The following UBA6 variants were observed in gnomAD, a reference collection of about 807,000 sequenced individuals.
The protein encoded by UBA6 is ubiquitin like modifier activating enzyme 6.
Under a neutral mutation model 148.3 loss-of-function variants are expected in UBA6, and 87 were observed. The ratio of observed to expected loss-of-function variants is 0.59; its 90% CI spans 0.49 to 0.70. The LOEUF (loss-of-function observed/expected upper bound fraction) is 0.70, where lower values mean the gene tolerates loss of function less well. Ranked by LOEUF, UBA6 falls within the 30% of genes least tolerant of loss-of-function variation. UBA6 has a pLI of 0.00. For synonymous variants in UBA6, 376 were observed against 401.0 expected, an observed-to-expected ratio of 0.94 and a Z score of 0.75; for missense variants, 1,186 against 1,241.2, an observed-to-expected ratio of 0.96 and a Z score of 0.67.
At chr4:67,638,716 G>A (rs1729229788) in intron 19 of UBA6, among the ~76,000 whole-genome samples, 1 of 152,178 alleles carries the variant, frequency 6.6e-6, no homozygotes, top group African/African-American at 2.4e-5. Context: ...ACTCTGGCAT[G>A]GTGAACAGGT....
Position 67,618,163 on chromosome 4 carries a change from A to C in UBA6, c.*834T>G, listed in dbSNP as rs542365613. 7.9e-5 allele frequency: 12 copies of C among 152,574 alleles called. No homozygotes were observed. The highest frequency in any genetic ancestry group is 1.9e-4 in the African/African-American group (8 of 41,562). The allele number at this position is 152,574 out of a possible 1,614,324, so 9.5% of individuals were successfully genotyped here. A position where few individuals can be genotyped will look rare whatever the true frequency, so the allele number is the denominator to read the frequency against. Reference sequence around the variant, plus strand: ...TTTCTAAAGACACTCCCTTTACAAAATCTTTTAGTTTTATATATTAGGACA... The same window carrying C: ...TTTCTAAAGACACTCCCTTTACAAACTCTTTTAGTTTTATATATTAGGACA... On this transcript the variant is annotated 3_prime_UTR_variant, in exon 33 of 33. Transcript: ENST00000322244.
In UBA6 at chr4:67,636,990, G is replaced by A. The variant is rs929815241; in HGVS notation, c.1737-1432C>T. Among the ~76,000 whole-genome samples, 13 of 150,702 alleles carry A rather than the reference G, an allele frequency of 8.6e-5. No homozygotes were observed. In the South Asian group the frequency reaches 1.3e-3, roughly 15 times the overall value. ...GCCCATTGTCTGAGATGTGGGGAGC[G>A]CCTCTGCCCCACCGCCCCATCTGGG... On this transcript the variant is annotated intron_variant, in intron 19 of 32. Transcript: ENST00000322244.
intron 11 of UBA6, chr4:67,663,423 C>T (rs6839447): frequency 0.21 from 89,593 of 431,240 alleles, 9,951 homozygotes; most frequent in Non-Finnish European, 0.24. Flanking sequence ...GATCTAATCC[C>T]CTTTCCTTAT....
intron 28 of UBA6, among the ~76,000 whole-genome samples, chr4:67,625,411 G>T (rs142056580): frequency 0.016 from 2,399 of 146,136 alleles, 26 homozygotes; most frequent in Middle Eastern, 0.04. Flanking sequence ...AAAAAAAAAC[G>T]ATGGTTTTAA....
In UBA6 at chr4:67,630,500, T is replaced by C. The variant is rs775953354; in HGVS notation, c.2294A>G (p.Tyr765Cys). Residue 765 changes from tyrosine to cysteine, a missense_variant, in exon 26 of 33, where the codon TAT becomes TGT. Transcript: ENST00000322244. Reference protein sequence around the residue: ...LSFLQNAAKLYATVYCIPFAE... With the variant: ...LSFLQNAAKLCATVYCIPFAE... ...AAATGGAATACAATATACTGTAGCA[T>C]ATAGTTTTGCAGCATTCTGAAGGAA... is the stretch of plus-strand genomic sequence containing the variant. The C allele has an allele frequency of 6.3e-6, 10 of 1,588,866 alleles. No individual in the cohort carries two copies. The South Asian group carries it at 1.2e-4, about 18-fold the overall frequency.
intron 2 of UBA6, among the ~76,000 whole-genome samples, chr4:67,691,782 T>C (rs1351192433): frequency 6.6e-6 from 1 of 150,782 alleles, no homozygotes; most frequent in Non-Finnish European, 1.5e-5. Flanking sequence ...ATGAATCCAG[T>C]GGAAGGACCA....
intron 14 of UBA6, among the ~76,000 whole-genome samples, chr4:67,648,828 A>G (rs1729485112): frequency 6.6e-6 from 1 of 152,212 alleles, no homozygotes; most frequent in South Asian, 2.1e-4. Context: ...TTCCCTTACT[A>G]TCACAACTAA....
intron 25 of UBA6, among the ~76,000 whole-genome samples, chr4:67,631,070 T>C (rs1728985581): frequency 6.6e-6 from 1 of 152,044 alleles, no homozygotes; most frequent in Non-Finnish European, 1.5e-5. Context: ...TAAAAATATA[T>C]ATACATAAGG....
At chr4:67,630,734 T>C (rs1447766605) in intron 25 of UBA6, among the ~76,000 whole-genome samples, 199 bp from the exon 26 acceptor site, 1 of 151,906 alleles carries the variant, frequency 6.6e-6, no homozygotes. Flanking sequence ...AGACAAAACA[T>C]CAAACAGTTA....
intron 2 of UBA6, among the ~76,000 whole-genome samples, chr4:67,692,495 A>G (rs928824809): frequency 7.2e-5 from 11 of 152,202 alleles, no homozygotes; most frequent in African/African-American, 2.4e-4. Flanking sequence ...TTGGAGGGAA[A>G]AGATAAACAC....
chr4:67,701,042 C>T lies in UBA6; in HGVS notation c.71+7G>A. 1 of 1,613,774 alleles carries T rather than the reference C, an allele frequency of 6.2e-7. No individual in the cohort carries two copies. Among genetic ancestry groups the T allele is most frequent in the Non-Finnish European group, 8.5e-7 (1 of 1,179,740 alleles). ...ACCCCTCACCTTCGCCCTTCTCGTCCTCTCACCTGCCAGTCCCCCAGGAAG... is the reference window on the plus strand; with the variant it reads ...ACCCCTCACCTTCGCCCTTCTCGTCTTCTCACCTGCCAGTCCCCCAGGAAG... On this transcript the variant is annotated splice_region_variant and intron_variant, in intron 1 of 32. Coordinates refer to ENST00000322244, the MANE Select transcript of UBA6 (RefSeq NM_018227.6).
chr4:67,682,045 G>GTT, intron 3 of UBA6, 74 bp downstream of exon 3: 1 of 1,088,358 alleles, frequency 9.2e-7, no homozygotes, highest in Non-Finnish European at 1.4e-6. Context: ...AAATATAAGG[G>GTT]GATGAAGTTA....
At position 67,670,575 on chromosome 4, in the gene UBA6, T is replaced by C; in HGVS notation, c.564A>G (p.Val188=). 1 of 1,611,782 alleles carries C rather than the reference T, an allele frequency of 6.2e-7. No individual in the cohort carries two copies. The highest frequency in any genetic ancestry group is 1.1e-5 in the South Asian group (1 of 90,966). The part of the protein sequence containing the change: ...CPPIKFISAD[V]HGIWSRLFCD... ...AAAATAACCTTGACCAAATTCCATG[T>C]ACATCTGCACTGATAAACTGTAAAA... The change falls in exon 8 of 33, where the codon GTA becomes GTG. Residue 188 remains valine (V), a synonymous_variant. Coordinates refer to ENST00000322244, the MANE Select transcript of UBA6 (RefSeq NM_018227.6).
intron 2 of UBA6, among the ~76,000 whole-genome samples, chr4:67,687,737 G>C (rs2109955832): frequency 6.6e-6 from 1 of 152,234 alleles, no homozygotes; most frequent in African/African-American, 2.4e-5. Flanking sequence ...GTGGTATTTG[G>C]TTTTCTGTTC....
chr4:67,624,358 G>C, intron 29 of UBA6, 105 bp from the exon 30 acceptor site: 1 of 1,070,724 alleles, frequency 9.3e-7, no homozygotes, highest in African/African-American at 1.6e-5. Context: ...TCTGTGGATA[G>C]TAAAAGCAGC....
intron 9 of UBA6, among the ~76,000 whole-genome samples, chr4:67,667,029 C>T (rs1346284139): frequency 1.3e-5 from 2 of 152,168 alleles, no homozygotes; most frequent in Non-Finnish European, 2.9e-5. Context: ...TTATTCATCT[C>T]TCCCTCCAAA....
chr4:67,656,138 A>C (rs1729685655), intron 13 of UBA6, among the ~76,000 whole-genome samples: 1 of 152,234 alleles, frequency 6.6e-6, no homozygotes, highest in South Asian at 2.1e-4. Context: ...ATTCCTTCTG[A>C]AAGTATTCCA....
chr4:67,649,021 T>C (rs3849642), intron 14 of UBA6, 47 bp downstream of exon 14: 348,617 of 1,585,294 alleles, frequency 0.22, 40,286 homozygotes, highest in Non-Finnish European at 0.24. Flanking sequence ...ATGTAACACA[T>C]TCCATTTCAC....
chr4:67,700,995 C>T (rs1730968163), intron 1 of UBA6, 54 bp downstream of exon 1: 1 of 1,602,146 alleles, frequency 6.2e-7, no homozygotes, highest in African/African-American at 1.3e-5. Flanking sequence ...AGCAGAAACC[C>T]GGAGCCTGGG....
Sources: gnomAD v4.1 joint callset for allele counts (sites outside exome capture counted in the v4.1 genomes callset) on GRCh38, gnomAD v4.1.1 for gene constraint, MANE v1.5 for transcripts, NCBI Gene and HGNC (gene_info 2026-07-23, HGNC 2026-07-21) for gene names.